Variants in EBF2 observed in about 807,000 individuals in gnomAD.
EBF2 encodes EBF transcription factor 2, also known as transcription factor COE2.
EBF2 carries 21 observed loss-of-function variants against 72.8 expected under a neutral mutation model. The observed-to-expected ratio is 0.29, with a 90% CI of 0.20 to 0.42. The LOEUF (loss-of-function observed/expected upper bound fraction) is 0.42, where lower values mean the gene tolerates loss of function less well. Among genes scored for constraint, EBF2 ranks in the 10% least tolerant of loss-of-function variants. EBF2 has a pLI of 1.00. For synonymous variants in EBF2, 299 were observed against 274.2 expected (o/e 1.09, Z -0.89); for missense variants, 637 against 731.2 (o/e 0.87, Z 1.49).
intron 15 of EBF2, among the ~76,000 whole-genome samples, chr8:25,845,295 G>A (rs1048919869): frequency 2.0e-5 from 3 of 152,074 alleles, no homozygotes; most frequent in African/African-American, 7.2e-5. Context: ...GTGCAGTGGG[G>A]CCATCTCAGC....
intron 7 of EBF2, among the ~76,000 whole-genome samples, chr8:25,893,511 T>C (rs1033723497): frequency 2.6e-5 from 4 of 151,886 alleles, no homozygotes; most frequent in Non-Finnish European, 5.9e-5. Flanking sequence ...CTTCTTACCT[T>C]AAGTGATCCT....
chr8:25,973,283 T>TAA (rs2117191174), intron 6 of EBF2, among the ~76,000 whole-genome samples: 1 of 152,292 alleles, frequency 6.6e-6, no homozygotes, highest in South Asian at 2.1e-4. Context: ...AAACTCTGAT[T>TAA]CCATCCTTTT....
At chr8:25,966,099 C>T (rs961855645) in intron 6 of EBF2, among the ~76,000 whole-genome samples, 7 of 152,180 alleles carry the variant, frequency 4.6e-5, no homozygotes, top group African/African-American at 1.4e-4. Flanking sequence ...TGCATTTGAC[C>T]CAACTGCAGG....
At chr8:25,981,191 C>T (rs1804356010) in intron 6 of EBF2, among the ~76,000 whole-genome samples, 4 of 152,170 alleles carry the variant, frequency 2.6e-5, no homozygotes, top group South Asian at 4.1e-4. Context: ...CAATGCTCTG[C>T]TGCCTTGCAT....
chr8:25,879,276 A>T (rs1802568438), intron 10 of EBF2, among the ~76,000 whole-genome samples: 1 of 152,220 alleles, frequency 6.6e-6, no homozygotes, highest in Admixed American at 6.5e-5. Context: ...TCTCTAAAAA[A>T]GTGTAGAAGA....
intron 7 of EBF2, 66 bp from the exon 8 acceptor site, chr8:25,889,935 T>C: frequency 5.1e-6 from 7 of 1,379,060 alleles, no homozygotes; most frequent in Non-Finnish European, 7.2e-6. Context: ...AAGTAGCAAA[T>C]GCACCAAAAT....
chr8:25,873,984 G>C (rs1169738589), intron 10 of EBF2, among the ~76,000 whole-genome samples: 9 of 152,188 alleles, frequency 5.9e-5, no homozygotes, highest in Non-Finnish European at 1.2e-4. Context: ...AATTTCACAA[G>C]AGGTGGGAGT....
chr8:25,911,307 C>T (rs931619814), intron 6 of EBF2, among the ~76,000 whole-genome samples: 5 of 152,234 alleles, frequency 3.3e-5, no homozygotes, highest in Non-Finnish European at 7.3e-5. Flanking sequence ...ACAATGTTGA[C>T]AACGTGAATA....
chr8:25,893,083 G>A (rs926386726), intron 7 of EBF2, among the ~76,000 whole-genome samples: 2 of 152,106 alleles, frequency 1.3e-5, no homozygotes, highest in African/African-American at 4.8e-5. Context: ...CCTCATGGTC[G>A]CAAGGTTAAG....
chr8:25,870,700 C>G (rs936175603), intron 10 of EBF2, among the ~76,000 whole-genome samples: 4 of 152,274 alleles, frequency 2.6e-5, no homozygotes, highest in Admixed American at 2.6e-4. Flanking sequence ...CTTGCCTGCC[C>G]TCCCCTCCCC....
At chr8:26,027,923 C>T (rs1388550424) in intron 6 of EBF2, among the ~76,000 whole-genome samples, 1 of 152,138 alleles carries the variant, frequency 6.6e-6, no homozygotes, top group Non-Finnish European at 1.5e-5. Context: ...TTCATAGAGA[C>T]ATTAAATACA....
At chr8:25,958,562 TG>T (rs1389065777) in intron 6 of EBF2, among the ~76,000 whole-genome samples, 1 of 152,226 alleles carries the variant, frequency 6.6e-6, no homozygotes, top group Non-Finnish European at 1.5e-5. Context: ...CCCCATTTCC[TG>T]CTGCTTAATT....
At chr8:25,966,347 G>A (rs1318368835) in intron 6 of EBF2, among the ~76,000 whole-genome samples, 1 of 152,174 alleles carries the variant, frequency 6.6e-6, no homozygotes, top group East Asian at 1.9e-4. Flanking sequence ...GTATTGCAGG[G>A]CACTGCTTTT....
chr8:25,950,583 G>A (rs940043067), intron 6 of EBF2, among the ~76,000 whole-genome samples: 2 of 152,212 alleles, frequency 1.3e-5, no homozygotes, highest in Non-Finnish European at 2.9e-5. Context: ...GCACCTAAGT[G>A]TGGTTGCACA....
chr8:25,927,481 A>G (rs1488202682), intron 6 of EBF2, among the ~76,000 whole-genome samples: 1 of 151,968 alleles, frequency 6.6e-6, no homozygotes, highest in Non-Finnish European at 1.5e-5. Context: ...GGCTGATTCA[A>G]GGACCAACAG....
chr8:25,906,622 C>A (rs573415581), intron 7 of EBF2, among the ~76,000 whole-genome samples: 7 of 152,140 alleles, frequency 4.6e-5, no homozygotes, highest in African/African-American at 1.7e-4. Context: ...CAAAAATTAG[C>A]CAGGCGTGGT....
At chr8:25,999,009 G>A (rs1258121052) in intron 6 of EBF2, among the ~76,000 whole-genome samples, 1 of 152,116 alleles carries the variant, frequency 6.6e-6, no homozygotes, top group Non-Finnish European at 1.5e-5. Context: ...TTGACATGTG[G>A]CCAATTTCTT....
chr8:25,848,972 T>G (rs952772439), intron 15 of EBF2, among the ~76,000 whole-genome samples: 4 of 152,178 alleles, frequency 2.6e-5, no homozygotes, highest in African/African-American at 9.6e-5. Context: ...CCCTGTCTCA[T>G]GGAAAAAGCT....
At position 25,959,710 on chromosome 8, in the gene EBF2, C is replaced by G. The variant is rs73225955; in HGVS notation, c.552-51155G>C. ...ATCTTTGCCCCAGGTCCTGATGTGT[C>G]TACCCCCAAGTTCTGTTCCTTACCC... On this transcript the variant is annotated intron_variant, in intron 6 of 15. Coordinates refer to ENST00000520164, the MANE Select transcript of EBF2 (RefSeq NM_022659.4). 8.9e-3 allele frequency among the ~76,000 whole-genome samples: 1,358 copies of G among 152,256 alleles called. 7 individuals are homozygous for G. Among genetic ancestry groups the G allele is most frequent in the Non-Finnish European group, 0.013 (872 of 68,022 alleles).
Sources: gnomAD v4.1 joint callset for allele counts (sites outside exome capture counted in the v4.1 genomes callset) on GRCh38, gnomAD v4.1.1 for gene constraint, MANE v1.5 for transcripts, NCBI Gene and HGNC (gene_info 2026-07-23, HGNC 2026-07-21) for gene names.